The following NSUN3 variants were observed in gnomAD, a reference collection of about 807,000 sequenced individuals.
NSUN3 encodes the protein NOP2/Sun RNA methyltransferase 3.
A neutral mutation model predicts 36.8 loss-of-function variants in NSUN3; 24 were observed. The observed-to-expected ratio is 0.65, with a 90% CI of 0.47 to 0.92. NSUN3 has a LOEUF of 0.92. Among genes scored for constraint, NSUN3 ranks in the 40% least tolerant of loss-of-function variants. NSUN3 has a pLI of 0.00. For missense variants in NSUN3, 381 were observed against 392.8 expected (o/e 0.97, Z 0.25); for synonymous variants, 146 against 145.2 (o/e 1.01, Z -0.04).
chr3:94,119,547 C>T (rs1168477678), intron 5 of NSUN3, among the ~76,000 whole-genome samples: 1 of 152,166 alleles, frequency 6.6e-6, no homozygotes, highest in African/African-American at 2.4e-5. Context: ...CACCACTCAA[C>T]TCCTGCTGTG....
At chr3:94,080,157 T>C (rs1273791133) in intron 2 of NSUN3, among the ~76,000 whole-genome samples, 2 of 152,218 alleles carry the variant, frequency 1.3e-5, no homozygotes, top group Non-Finnish European at 2.9e-5. Flanking sequence ...GTTTTCCTTC[T>C]AACAGTTGGG....
At chr3:94,103,030 G>A (rs2077372308) in intron 5 of NSUN3, among the ~76,000 whole-genome samples, 1 of 152,068 alleles carries the variant, frequency 6.6e-6, no homozygotes, top group Non-Finnish European at 1.5e-5. Flanking sequence ...GGGATTACAG[G>A]TGTCTGCCAC....
chr3:94,075,856 G>A (rs530339542), intron 2 of NSUN3: 16 of 1,113,092 alleles, frequency 1.4e-5, no homozygotes, highest in South Asian at 5.1e-5. Flanking sequence ...ATCACTCTCA[G>A]GGTTGAGAAG....
intron 3 of NSUN3, 31 bp downstream of exon 3, chr3:94,084,481 CT>C: frequency 6.7e-7 from 1 of 1,484,574 alleles, no homozygotes; most frequent in Non-Finnish European, 9.2e-7. Flanking sequence ...TATTTGACAA[CT>C]TTTTAATATC....
At chr3:94,066,080 G>C (rs1300524833) in intron 2 of NSUN3, among the ~76,000 whole-genome samples, 1 of 149,916 alleles carries the variant, frequency 6.7e-6, no homozygotes, top group Non-Finnish European at 1.5e-5. Flanking sequence ...ATTTCAAGAG[G>C]CTTTTTTTTT....
At chr3:94,124,756 A>G (rs2077478484) in intron 5 of NSUN3, among the ~76,000 whole-genome samples, 1 of 152,204 alleles carries the variant, frequency 6.6e-6, no homozygotes, top group Non-Finnish European at 1.5e-5. Context: ...AATTCAAAAC[A>G]TATTTAATTT....
At chr3:94,117,783 C>G (rs1049507347) in intron 5 of NSUN3, among the ~76,000 whole-genome samples, 1 of 152,108 alleles carries the variant, frequency 6.6e-6, no homozygotes, top group Non-Finnish European at 1.5e-5. Flanking sequence ...TAATCAAGAT[C>G]AACTTTGTTT....
chr3:94,107,037 C>T (rs1170355554), intron 5 of NSUN3, among the ~76,000 whole-genome samples: 1 of 151,968 alleles, frequency 6.6e-6, no homozygotes, highest in Non-Finnish European at 1.5e-5. Context: ...CCACCTCCCA[C>T]GCTCAAGCAG....
chr3:94,080,410 T>G (rs1576084504), intron 2 of NSUN3, among the ~76,000 whole-genome samples: 2 of 152,282 alleles, frequency 1.3e-5, no homozygotes, highest in Admixed American at 1.3e-4. Flanking sequence ...GAGGAGGCAG[T>G]CTGACCCTTA....
At chr3:94,070,896 T>G (rs2077222641) in intron 2 of NSUN3, among the ~76,000 whole-genome samples, 1 of 152,222 alleles carries the variant, frequency 6.6e-6, no homozygotes, top group Non-Finnish European at 1.5e-5. Flanking sequence ...CAGCTATCAA[T>G]TCATTTAAGA....
Position 94,127,680 on chromosome 3 carries a change from A to G in NSUN3, c.*1190A>G, listed in dbSNP as rs2077492948. The G allele has an allele frequency of 6.6e-6, 1 of 152,206 alleles. No individual in the cohort carries two copies. Among genetic ancestry groups the G allele is most frequent in the African/African-American group, 2.4e-5 (1 of 41,444 alleles). The allele number at this position is 152,206 out of a possible 1,614,324, so 9.4% of individuals were successfully genotyped here. A position where few individuals can be genotyped will look rare whatever the true frequency, so the allele number is the denominator to read the frequency against. The stretch of plus-strand genomic sequence containing the variant: ...AAAAAATAGCATCTCTTTGGAAAAT[A>G]GCCTTTAAAAAAAAACAACTTTATC... On this transcript the variant is annotated 3_prime_UTR_variant, in exon 6 of 6. Transcript: ENST00000314622.
intron 5 of NSUN3, among the ~76,000 whole-genome samples, chr3:94,111,142 A>G (rs1375998941): frequency 8.5e-5 from 13 of 152,212 alleles, no homozygotes; most frequent in Admixed American, 8.5e-4. Flanking sequence ...AGGCAGTTGT[A>G]ACACAGTGGT....
rs2077503198 is a variant in NSUN3 at position 94,129,908 on chromosome 3, A to G, written c.*3418A>G. Among the ~76,000 whole-genome samples the G allele has an allele frequency of 6.6e-6, 1 of 151,644 alleles. No individual in the cohort carries two copies. The highest frequency in any genetic ancestry group is 2.4e-5 in the African/African-American group (1 of 41,290). ...ACTGAGATCACAGGCACCCGCCACC[A>G]TGCTTGGCTAATTTTTTTTGTATTT... On this transcript the variant is annotated 3_prime_UTR_variant, in exon 6 of 6. Coordinates refer to ENST00000314622, the MANE Select transcript of NSUN3 (RefSeq NM_022072.5).
intron 5 of NSUN3, among the ~76,000 whole-genome samples, chr3:94,102,848 A>G (rs2077371550): frequency 6.6e-6 from 1 of 152,014 alleles, no homozygotes; most frequent in Non-Finnish European, 1.5e-5. Flanking sequence ...AGCATTTATT[A>G]ATTTATTTAC....
At chr3:94,076,709 G>T in intron 2 of NSUN3, 1 of 1,308,820 alleles carries the variant, frequency 7.6e-7, no homozygotes, top group Admixed American at 1.7e-5. Context: ...AGGATGTTTT[G>T]TATAGTCCAA....
At position 94,092,781 on chromosome 3, in the gene NSUN3, G is replaced by A. The variant is rs544187371; in HGVS notation, c.467-1359G>A. On this transcript the variant is annotated intron_variant, in intron 3 of 5. Coordinates refer to ENST00000314622, the MANE Select transcript of NSUN3 (RefSeq NM_022072.5). ...TTAAAAATACAAAAATTAGCCAGACGTGGTGACGCACACCTGTAATCCCAC... is the reference window on the plus strand; with the variant it reads ...TTAAAAATACAAAAATTAGCCAGACATGGTGACGCACACCTGTAATCCCAC... Among the ~76,000 whole-genome samples the A allele has an allele frequency of 7.9e-5, 12 of 151,754 alleles. No homozygotes were observed. The East Asian group carries it at 2.1e-3, about 27-fold the overall frequency.
At chr3:94,099,057 C>A (rs552524215) in intron 5 of NSUN3, among the ~76,000 whole-genome samples, 1 of 152,104 alleles carries the variant, frequency 6.6e-6, no homozygotes, top group South Asian at 2.1e-4. Flanking sequence ...GTATATTACA[C>A]GGGTTGAGTA....
At chr3:94,089,114 C>G (rs1332894360) in intron 3 of NSUN3, among the ~76,000 whole-genome samples, 2 of 152,160 alleles carry the variant, frequency 1.3e-5, no homozygotes, top group Non-Finnish European at 2.9e-5. Context: ...TTAATCATTG[C>G]CATTTTGTTC....
intron 3 of NSUN3, among the ~76,000 whole-genome samples, chr3:94,087,350 A>T (rs1185651483): frequency 6.6e-6 from 1 of 152,152 alleles, no homozygotes; most frequent in African/African-American, 2.4e-5. Flanking sequence ...ATCAGTACTG[A>T]CCTTTATTCT....
Sources: allele counts gnomAD v4.1 joint callset (sites outside exome capture counted in the v4.1 genomes callset), GRCh38; gene constraint gnomAD v4.1.1; transcripts MANE v1.5; gene names NCBI Gene and HGNC (gene_info 2026-07-23, HGNC 2026-07-21).